Variants in SRRM4 observed in about 807,000 individuals in gnomAD.
SRRM4 encodes serine/arginine repetitive matrix 4, also known as serine/arginine repetitive matrix protein 4.
A neutral mutation model predicts 68.9 loss-of-function variants in SRRM4; 33 were observed. The ratio of observed to expected loss-of-function variants is 0.48; its 90% CI spans 0.36 to 0.64. The LOEUF (loss-of-function observed/expected upper bound fraction) is 0.64, where lower values mean the gene tolerates loss of function less well. SRRM4 is among the 30% of genes least tolerant of loss of function. SRRM4 has a pLI of 0.00. For synonymous variants in SRRM4, 318 were observed against 318.8 expected (o/e 1.00, Z 0.03); for missense variants, 817 against 827.1 (o/e 0.99, Z 0.15).
At chr12:119,004,721 G>A (rs1298017833) in intron 1 of SRRM4, among the ~76,000 whole-genome samples, 2 of 151,888 alleles carry the variant, frequency 1.3e-5, no homozygotes, top group African/African-American at 4.8e-5. Flanking sequence ...TCTCCTCTCG[G>A]CTCCCCCAGA....
intron 6 of SRRM4, chr12:119,124,120 T>A (rs2136054251): frequency 6.6e-6 from 1 of 152,338 alleles, no homozygotes; most frequent in Admixed American, 6.5e-5. Flanking sequence ...GAAGAATAGA[T>A]GAATCCCTTT....
chr12:119,151,219 A>T lies in SRRM4; in HGVS notation c.1279A>T (p.Arg427Trp), dbSNP rs1022449108. The T allele has an allele frequency of 6.2e-7, 1 of 1,613,722 alleles. No individual in the cohort carries two copies. The highest frequency in any genetic ancestry group is 1.7e-5 in the Admixed American group (1 of 60,026). ...TQSRSTSSEK[R>W]SYSRSPSYSS... The stretch of plus-strand genomic sequence containing the variant: ...AAGCCGATCCACCTCTTCTGAAAAA[A>T]GGTGAGTGTGGTTTTGACCTTTGCT... Residue 427 changes from arginine to tryptophan, a missense_variant and splice_region_variant, in exon 10 of 13, where the codon AGG becomes TGG. Arg to Trp is a moderately radical substitution (Grantham distance 101). Coordinates refer to ENST00000267260, the MANE Select transcript of SRRM4 (RefSeq NM_194286.4).
At chr12:119,064,149 T>C (rs894170415) in intron 1 of SRRM4, among the ~76,000 whole-genome samples, 1 of 152,202 alleles carries the variant, frequency 6.6e-6, no homozygotes, top group Non-Finnish European at 1.5e-5. Flanking sequence ...ACATCAAGGC[T>C]TCCTTGGCCA....
At chr12:119,023,023 A>T (rs1015958073) in intron 1 of SRRM4, among the ~76,000 whole-genome samples, 1 of 152,104 alleles carries the variant, frequency 6.6e-6, no homozygotes, top group Non-Finnish European at 1.5e-5. Flanking sequence ...GCCCCCCAGA[A>T]TTATACTCCG....
At chr12:119,012,320 C>A (rs1344950207) in intron 1 of SRRM4, among the ~76,000 whole-genome samples, 3 of 152,206 alleles carry the variant, frequency 2.0e-5, no homozygotes, top group Non-Finnish European at 4.4e-5. Flanking sequence ...GACCTGGCAT[C>A]TGAACTGGAC....
At chr12:119,084,412 C>T (rs1953967683) in intron 1 of SRRM4, among the ~76,000 whole-genome samples, 1 of 152,210 alleles carries the variant, frequency 6.6e-6, no homozygotes, top group African/African-American at 2.4e-5. Context: ...TCTGCGGAAA[C>T]CCATCTGCCC....
At position 119,155,736 on chromosome 12, in the gene SRRM4, G is replaced by GA. The variant is rs141968125; in HGVS notation, c.1533-753dup. 6.9e-3 allele frequency among the ~76,000 whole-genome samples: 1,045 copies of GA among 152,232 alleles called. 14 individuals carry two copies. Among genetic ancestry groups the GA allele is most frequent in the African/African-American group, 0.024 (995 of 41,544 alleles). On this transcript the variant is annotated intron_variant, in intron 12 of 12. Coordinates refer to ENST00000267260, the MANE Select transcript of SRRM4 (RefSeq NM_194286.4). ...TGGGTGACAGAGCGAGACCCTGTCT[G>GA]AAAAAATGTAATTAATATAATATAA...
intron 1 of SRRM4, among the ~76,000 whole-genome samples, chr12:119,055,823 T>C (rs1475481628): frequency 6.6e-6 from 1 of 152,214 alleles, no homozygotes; most frequent in African/African-American, 2.4e-5. Context: ...ACAGAGGTTA[T>C]GTCATAAAGT....
At chr12:119,033,788 A>T (rs924982444) in intron 1 of SRRM4, among the ~76,000 whole-genome samples, 9 of 152,206 alleles carry the variant, frequency 5.9e-5, no homozygotes, top group African/African-American at 2.2e-4. Context: ...AAAGTATTTA[A>T]CACTATGAAT....
intron 7 of SRRM4, among the ~76,000 whole-genome samples, chr12:119,129,558 C>T (rs1462093433): frequency 6.6e-6 from 1 of 152,164 alleles, no homozygotes; most frequent in Non-Finnish European, 1.5e-5. Flanking sequence ...CATGGAAACA[C>T]AGATGGACAC....
At chr12:119,057,243 A>G (rs186888547) in intron 1 of SRRM4, among the ~76,000 whole-genome samples, 2 of 152,308 alleles carry the variant, frequency 1.3e-5, no homozygotes, top group Non-Finnish European at 2.9e-5. Flanking sequence ...TTTGTTACAT[A>G]GGTAAATGTG....
At chr12:119,035,564 C>T (rs148068876) in intron 1 of SRRM4, among the ~76,000 whole-genome samples, 2 of 152,244 alleles carry the variant, frequency 1.3e-5, no homozygotes, top group Admixed American at 6.5e-5. Flanking sequence ...TTCCATGTTT[C>T]TAAGTTTTCT....
At chr12:119,114,388 A>G in intron 3 of SRRM4, 24 bp downstream of exon 3, 1 of 1,582,080 alleles carries the variant, frequency 6.3e-7, no homozygotes, top group Middle Eastern at 1.7e-4. Flanking sequence ...GAGGGAGATA[A>G]AACCTGTAAG....
chr12:118,988,707 C>T lies in SRRM4; in HGVS notation c.131+6694C>T, dbSNP rs531176402. ...ACATTTTTATTGAACCACTACTCAA[C>T]GTAACAGTGAATGAACACAGGAACT... is the stretch of plus-strand genomic sequence containing the variant. On this transcript the variant is annotated intron_variant, in intron 1 of 12. Coordinates refer to ENST00000267260, the MANE Select transcript of SRRM4 (RefSeq NM_194286.4). Among the ~76,000 whole-genome samples, 7 of 152,230 alleles carry T rather than the reference C, an allele frequency of 4.6e-5. No homozygotes were observed. In the South Asian group the frequency reaches 8.3e-4, roughly 18 times the overall value.
intron 1 of SRRM4, among the ~76,000 whole-genome samples, chr12:119,070,339 T>C (rs948648423): frequency 2.0e-5 from 3 of 152,088 alleles, no homozygotes; most frequent in Admixed American, 6.5e-5. Context: ...AGGGATTCAG[T>C]TGTGAACAGG....
chr12:119,083,670 G>A (rs1215384115), intron 1 of SRRM4, among the ~76,000 whole-genome samples: 1 of 152,132 alleles, frequency 6.6e-6, no homozygotes, highest in Non-Finnish European at 1.5e-5. Context: ...GCATATAAGG[G>A]AATGGTCCCA....
chr12:119,112,245 A>G (rs1319248673), intron 2 of SRRM4, among the ~76,000 whole-genome samples: 4 of 152,158 alleles, frequency 2.6e-5, no homozygotes, highest in African/African-American at 9.7e-5. Flanking sequence ...CAAAACCACA[A>G]TGAGATGCCA....
rs1954486800 is a variant in SRRM4 at position 119,158,276 on chromosome 12, G to A, written c.*1478G>A. The A allele has an allele frequency of 6.5e-6, 1 of 152,874 alleles. No homozygotes were observed. The highest frequency in any genetic ancestry group is 2.4e-5 in the African/African-American group (1 of 41,454). The allele number at this position is 152,874 out of a possible 1,614,324, so 9.5% of individuals were successfully genotyped here. ...ACAGCAGCAGGACAGGGCACGGAGG[G>A]AGCGAGGGAGAGAGGACCGGTCCCA... is the stretch of plus-strand genomic sequence containing the variant. On this transcript the variant is annotated 3_prime_UTR_variant, in exon 13 of 13. Coordinates refer to ENST00000267260, the MANE Select transcript of SRRM4 (RefSeq NM_194286.4).
chr12:119,102,162 C>T, intron 1 of SRRM4, 74 bp from the exon 2 acceptor site: 1 of 1,416,406 alleles, frequency 7.1e-7, no homozygotes. Flanking sequence ...ACTAGTAATT[C>T]TATGAATATT....
Sources: allele counts gnomAD v4.1 joint callset (sites outside exome capture counted in the v4.1 genomes callset), GRCh38; gene constraint gnomAD v4.1.1; transcripts MANE v1.5; gene names NCBI Gene and HGNC (gene_info 2026-07-23, HGNC 2026-07-21).